The following SLC13A1 variants were observed in gnomAD, a reference collection of about 807,000 sequenced individuals.
SLC13A1 encodes the protein solute carrier family 13 member 1.
In SLC13A1, 65 loss-of-function variants were observed where a neutral mutation model predicts 70.0. The ratio of observed to expected loss-of-function variants is 0.93; its 90% CI spans 0.76 to 1.14. The LOEUF (loss-of-function observed/expected upper bound fraction) is 1.14, where lower values mean the gene tolerates loss of function less well. Ranked by LOEUF, SLC13A1 falls within the 50% of genes most tolerant of loss-of-function variation. SLC13A1 has a pLI of 0.00. For synonymous variants in SLC13A1, 275 were observed against 250.5 expected (o/e 1.10, Z -0.92); for missense variants, 726 against 717.8 (o/e 1.01, Z -0.13).
rs765865644 is a variant in SLC13A1, at chr7:123,171,923, C to T, written c.229-19G>A. 1 of 1,605,048 alleles carries T rather than the reference C, an allele frequency of 6.2e-7. No homozygotes were observed. Among genetic ancestry groups the T allele is most frequent in the Non-Finnish European group, 8.5e-7 (1 of 1,175,424 alleles). On this transcript the variant is annotated intron_variant, in intron 2 of 14. Coordinates refer to ENST00000194130, the MANE Select transcript of SLC13A1 (RefSeq NM_022444.4). The stretch of plus-strand genomic sequence containing the variant: ...ATGCCACCTGAAATAACAATTAAAC[C>T]CGTGATTATTTACTTTGGTGGGGAA...
At chr7:123,136,195 C>T (rs2116349819) in intron 7 of SLC13A1, among the ~76,000 whole-genome samples, 2 of 152,256 alleles carry the variant, frequency 1.3e-5, no homozygotes, top group South Asian at 4.1e-4. Context: ...TCTCTCTACC[C>T]ACTGGAGAGA....
At chr7:123,158,957 C>A (rs1220890775) in intron 6 of SLC13A1, among the ~76,000 whole-genome samples, 1 of 151,922 alleles carries the variant, frequency 6.6e-6, no homozygotes, top group Non-Finnish European at 1.5e-5. Flanking sequence ...ACCATGACCC[C>A]AGATAGGGGG....
At chr7:123,177,475 A>G (rs1472498714) in intron 2 of SLC13A1, among the ~76,000 whole-genome samples, 1 of 152,100 alleles carries the variant, frequency 6.6e-6, no homozygotes, top group African/African-American at 2.4e-5. Flanking sequence ...TCTTCAAAAG[A>G]TCCCATTTTA....
At chr7:123,166,336 T>G (rs900174223) in intron 6 of SLC13A1, among the ~76,000 whole-genome samples, 2 of 152,098 alleles carry the variant, frequency 1.3e-5, no homozygotes, top group Non-Finnish European at 2.9e-5. Flanking sequence ...ACTGAATGCA[T>G]GTATATTCTT....
At chr7:123,116,868 T>C (rs1405470324) in intron 14 of SLC13A1, among the ~76,000 whole-genome samples, 1 of 152,208 alleles carries the variant, frequency 6.6e-6, no homozygotes, top group African/African-American at 2.4e-5. Flanking sequence ...TACTAGAATA[T>C]TCTCAAGCCA....
At chr7:123,174,814 T>C (rs1476585344) in intron 2 of SLC13A1, among the ~76,000 whole-genome samples, 1 of 152,002 alleles carries the variant, frequency 6.6e-6, no homozygotes, top group Non-Finnish European at 1.5e-5. Context: ...CTTCTTCCTA[T>C]GTATTTAGTT....
At chr7:123,148,587 C>G (rs1563332055) in intron 6 of SLC13A1, 1 of 366,608 alleles carries the variant, frequency 2.7e-6, no homozygotes, top group East Asian at 9.1e-5. Context: ...TGGCGAAATT[C>G]AAAGAAGAAC....
chr7:123,174,058 T>C (rs1332567160), intron 2 of SLC13A1, among the ~76,000 whole-genome samples: 1 of 150,110 alleles, frequency 6.7e-6, no homozygotes, highest in Admixed American at 6.7e-5. Flanking sequence ...ATCTCGGTCC[T>C]CCAAAATGCT....
At chr7:123,165,985 T>C (rs1795061434) in intron 6 of SLC13A1, among the ~76,000 whole-genome samples, 1 of 152,004 alleles carries the variant, frequency 6.6e-6, no homozygotes, top group Admixed American at 6.6e-5. Context: ...GAGTTCGCAC[T>C]CTTCTGCTTG....
chr7:123,191,371 C>T (rs1795991970), intron 1 of SLC13A1, among the ~76,000 whole-genome samples: 1 of 152,158 alleles, frequency 6.6e-6, no homozygotes, highest in Non-Finnish European at 1.5e-5. Context: ...GGCATTTAAC[C>T]TGACTCTGGT....
chr7:123,115,784 A>T, intron 14 of SLC13A1, 129 bp from the exon 15 acceptor site: 1 of 937,790 alleles, frequency 1.1e-6, no homozygotes, highest in Non-Finnish European at 1.6e-6. Context: ...GTCATTTTTT[A>T]AATTATACTT....
At chr7:123,198,126 G>A (rs1254740670) in intron 1 of SLC13A1, among the ~76,000 whole-genome samples, 1 of 151,982 alleles carries the variant, frequency 6.6e-6, no homozygotes, top group Non-Finnish European at 1.5e-5. Flanking sequence ...GCCAAATCTA[G>A]AGGACTCATG....
chr7:123,137,372 G>A (rs73217762), intron 7 of SLC13A1, among the ~76,000 whole-genome samples: 3,463 of 152,274 alleles, frequency 0.023, 58 homozygotes, highest in Non-Finnish European at 0.035. Context: ...ATTTTACTTA[G>A]GTAATCAAAG....
chr7:123,180,561 T>C (rs1461912246), intron 2 of SLC13A1, among the ~76,000 whole-genome samples: 1 of 152,190 alleles, frequency 6.6e-6, no homozygotes. Flanking sequence ...CTTTATCTTT[T>C]GAAATGGCAG....
At chr7:123,138,119 TA>T (rs1249787307) in intron 7 of SLC13A1, among the ~76,000 whole-genome samples, 1 of 152,144 alleles carries the variant, frequency 6.6e-6, no homozygotes, top group Non-Finnish European at 1.5e-5. Context: ...CTATCACCAT[TA>T]GTTCATTTGT....
At chr7:123,168,329 T>C (rs1010374959) in intron 6 of SLC13A1, 45 bp downstream of exon 6, 1 of 1,241,264 alleles carries the variant, frequency 8.1e-7, no homozygotes, top group African/African-American at 1.5e-5. Flanking sequence ...ACAGCTCTAA[T>C]ATAATTTTGT....
Position 123,169,164 on chromosome 7 carries a change from G to T in SLC13A1, c.537C>A (p.His179Gln), listed in dbSNP as rs766450646. 1 of 1,613,988 alleles carries T rather than the reference G, an allele frequency of 6.2e-7. No homozygotes were observed. The highest frequency in any genetic ancestry group is 8.5e-7 in the Non-Finnish European group (1 of 1,179,942). The change falls in exon 4 of 15, where the codon CAC becomes CAA. Residue 179 changes from histidine (H) to glutamine (Q), a missense_variant. Coordinates refer to ENST00000194130, the MANE Select transcript of SLC13A1 (RefSeq NM_022444.4). ...ATGTGATACCATCAATTTCTAGTCCGTGGTTGGTTGATCCGTTGAAGTAAG... is the reference window on the plus strand; with the variant it reads ...ATGTGATACCATCAATTTCTAGTCCTTGGTTGGTTGATCCGTTGAAGTAAG... ...QMTYFNGSTN[H>Q]GLEIDESVNG...
chr7:123,140,842 C>T (rs1197386116), intron 7 of SLC13A1, among the ~76,000 whole-genome samples: 2 of 151,716 alleles, frequency 1.3e-5, no homozygotes, highest in Non-Finnish European at 2.9e-5. Context: ...TAAAGATTTG[C>T]CAATTTTGTT....
At chr7:123,169,105 T>G in intron 4 of SLC13A1, 43 bp downstream of exon 4, 1 of 1,574,438 alleles carries the variant, frequency 6.4e-7, no homozygotes, top group Non-Finnish European at 8.7e-7. Context: ...TGTCTATTGC[T>G]CTAATGACTA....
Sources: allele counts gnomAD v4.1 joint callset (sites outside exome capture counted in the v4.1 genomes callset), GRCh38; gene constraint gnomAD v4.1.1; transcripts MANE v1.5; gene names NCBI Gene and HGNC (gene_info 2026-07-23, HGNC 2026-07-21).